TCF7: variants seen among roughly 807,000 people sequenced by gnomAD.
The protein encoded by TCF7 is T-cell-factor-7.
TCF7 carries 19 observed loss-of-function variants against 46.8 expected under a neutral mutation model. The observed-to-expected ratio is 0.41, with a 90% confidence interval of 0.28 to 0.60. The LOEUF is 0.60. Ranked by LOEUF, TCF7 falls within the 20% of genes least tolerant of loss-of-function variation. The pLI, the probability that TCF7 is intolerant of heterozygous loss-of-function variation, is 0.35. For synonymous variants in TCF7, 245 were observed against 213.4 expected (o/e 1.15, Z -1.29); for missense variants, 547 against 504.6 (o/e 1.08, Z -0.81).
At chr5:134,145,776 G>C in intron 9 of TCF7, 1 of 1,613,778 alleles carries the variant, frequency 6.2e-7, no homozygotes, top group Non-Finnish European at 8.5e-7. Flanking sequence ...GGATGGTAAT[G>C]GACAAGAGTC....
At chr5:134,112,841 T>TC (rs1335483722), upstream of TCF7, among the ~76,000 whole-genome samples, 1 of 152,092 alleles carries the variant, frequency 6.6e-6, no homozygotes, top group African/African-American at 2.4e-5. Flanking sequence ...TTCTCCTTTC[T>TC]CCAAGGACTG....
chr5:134,124,546 ACTCTAGAGC>A (rs1757068224), intron 3 of TCF7, among the ~76,000 whole-genome samples: 1 of 151,766 alleles, frequency 6.6e-6, no homozygotes, highest in African/African-American at 2.4e-5. Context: ...CTAGCAGACT[ACTCTAGAGC>A]CGGAGCAAGC....
intron 3 of TCF7, among the ~76,000 whole-genome samples, chr5:134,122,542 C>T (rs547262986): frequency 1.3e-5 from 2 of 152,312 alleles, no homozygotes; most frequent in South Asian, 4.1e-4. Context: ...CCATCCCCAG[C>T]CCCTCCAAGG....
chr5:134,125,614 C>T (rs953697801), intron 3 of TCF7, among the ~76,000 whole-genome samples: 18 of 152,224 alleles, frequency 1.2e-4, no homozygotes, highest in African/African-American at 4.3e-4. Context: ...CTTCCCCAGG[C>T]TTGTCATGCC....
At chr5:134,111,752 A>G (rs2432265), upstream of TCF7, among the ~76,000 whole-genome samples, 118,806 of 152,110 alleles carry the variant, frequency 0.78, 47,079 homozygotes, top group Non-Finnish European at 0.86. Flanking sequence ...CCACAAGGCA[A>G]ATAAGGACTC....
chr5:134,127,521 C>T (rs909815778), intron 3 of TCF7, among the ~76,000 whole-genome samples: 2 of 152,236 alleles, frequency 1.3e-5, no homozygotes, highest in African/African-American at 4.8e-5. Context: ...AGGCACCCTC[C>T]TCTGTGTGAT....
chr5:134,115,150 G>A lies in TCF7; in HGVS notation c.244G>A (p.Ala82Thr). Residue 82 changes from alanine (A) to threonine (T), a missense_variant, in exon 1 of 10, where the codon GCC (alanine) becomes ACC (threonine). Ala to Thr is a moderately conservative substitution (Grantham distance 58). Coordinates refer to ENST00000342854, the MANE Select transcript of TCF7 (RefSeq NM_003202.5). Reference sequence around the variant, plus strand: ...GGCCGGCGCCGGGGCCCGCGGCGAGGCCGAGGTGAGCCCCCGCCGGCGCCG... The same window carrying A: ...GGCCGGCGCCGGGGCCCGCGGCGAGACCGAGGTGAGCCCCCGCCGGCGCCG... ...PGAGAGARGE[A>T]EALGREHAAQ... 2.0e-6 allele frequency: 2 copies of A among 1,017,030 alleles called. No individual in the cohort carries two copies. The highest frequency in any genetic ancestry group is 6.0e-5 in the Admixed American group (1 of 16,780). 63.0% of individuals were successfully genotyped at this position (1,017,030 alleles called of 1,614,324 possible). A position where few individuals can be genotyped will look rare whatever the true frequency, so the allele number is the denominator to read the frequency against.
At chr5:134,116,517 G>GA (rs1755862558) in intron 3 of TCF7, among the ~76,000 whole-genome samples, 4 of 152,254 alleles carry the variant, frequency 2.6e-5, no homozygotes, top group Non-Finnish European at 5.9e-5. Context: ...TCGGTCGGCT[G>GA]TGTCCTGACG....
rs770887816 is a variant in TCF7, at chr5:134,138,098, T to A, written c.481T>A (p.Ser161Thr). 1.9e-6 allele frequency: 3 copies of A among 1,610,638 alleles called. No individual in the cohort carries two copies. Among genetic ancestry groups the A allele is most frequent in the Non-Finnish European group, 2.5e-6 (3 of 1,178,578 alleles). ...NQPPHGVPQL[S>T]LYEHFNSPHP... ...GCCCCCCCACGGTGTCCCCCAACTC[T>A]CTCTCTACGAACATTTCAACAGCCC... Residue 161 changes from serine (S) to threonine (T), a missense_variant, in exon 4 of 10, where the codon TCT (serine) becomes ACT (threonine). Physicochemically the swap from Ser to Thr is moderately conservative, Grantham distance 58 (BLOSUM62 1). Around this residue, in one of 3 missense-constraint regions of TCF7, gnomAD observed 425 missense variants for 349.9 expected, o/e 1.21. Coordinates refer to ENST00000342854, the MANE Select transcript of TCF7 (RefSeq NM_003202.5).
chr5:134,139,198 G>A (rs1759358842), intron 5 of TCF7, 160 bp downstream of exon 5: 2 of 1,145,210 alleles, frequency 1.7e-6, no homozygotes, highest in South Asian at 3.2e-5. Context: ...ACCTGGCTCT[G>A]AGCTAGGGGT....
At chr5:134,142,028 G>GT in intron 5 of TCF7, 157 bp from the exon 6 acceptor site, 2 of 1,009,976 alleles carry the variant, frequency 2.0e-6, no homozygotes, top group East Asian at 5.0e-5. Flanking sequence ...GCAGGTATTT[G>GT]TATTTATCTC....
chr5:134,139,052 C>T lies in TCF7; in HGVS notation c.635+14C>T. The stretch of plus-strand genomic sequence containing the variant: ...CACTGTGAGCTGGTGAGTGTGGGCC[C>T]AATGGGAAAGGGGTACCGTGTGCTG... On this transcript the variant is annotated intron_variant, in intron 5 of 9. Transcript: ENST00000342854. The T allele has an allele frequency of 6.2e-7, 1 of 1,613,274 alleles. No individual in the cohort carries two copies. The highest frequency in any genetic ancestry group is 8.5e-7 in the Non-Finnish European group (1 of 1,179,872).
At chr5:134,140,820 G>C in intron 5 of TCF7, 1 of 455,406 alleles carries the variant, frequency 2.2e-6, no homozygotes, top group Non-Finnish European at 4.4e-6. Flanking sequence ...TCTACCCCCT[G>C]TCCCCTTCCT....
At chr5:134,129,406 G>A (rs1321730209) in intron 3 of TCF7, among the ~76,000 whole-genome samples, 1 of 152,208 alleles carries the variant, frequency 6.6e-6, no homozygotes, top group Admixed American at 6.5e-5. Flanking sequence ...ATGAGGTTGT[G>A]CCTTGCCTCG....
At chr5:134,120,000 C>T (rs898090092) in intron 3 of TCF7, among the ~76,000 whole-genome samples, 2 of 152,174 alleles carry the variant, frequency 1.3e-5, no homozygotes, top group African/African-American at 2.4e-5. Context: ...CCAGCTGAGC[C>T]GAGGAGACAG....
rs746597918 is a variant in TCF7, at chr5:134,143,549, T to C, written c.1027-43T>C. On this transcript the variant is annotated intron_variant, in intron 8 of 9. Transcript: ENST00000342854. ...GCAGCAGGCTGTGGGTATCCCAATG[T>C]CTGCCTCCCAGATCTGAGCATCCCT... 18 of 1,613,530 alleles carry C rather than the reference T, an allele frequency of 1.1e-5. 1 individual carries two copies. In the South Asian group the frequency reaches 1.9e-4, roughly 17 times the overall value.
At chr5:134,120,568 G>A (rs1166687567) in intron 3 of TCF7, among the ~76,000 whole-genome samples, 2 of 152,064 alleles carry the variant, frequency 1.3e-5, no homozygotes, top group African/African-American at 4.8e-5. Context: ...TCCACCCCAG[G>A]ACTCTTGCAC....
At chr5:134,142,086 C>G in intron 5 of TCF7, 99 bp from the exon 6 acceptor site, 2 of 1,540,908 alleles carry the variant, frequency 1.3e-6, no homozygotes, top group Non-Finnish European at 8.9e-7. Context: ...ATCTGTTCAC[C>G]TGTGTCCTCA....
chr5:134,136,855 A>G (rs1758936123), intron 3 of TCF7, among the ~76,000 whole-genome samples: 1 of 152,192 alleles, frequency 6.6e-6, no homozygotes, highest in African/African-American at 2.4e-5. Context: ...GACTTGCTCC[A>G]AAGATGTCCC....
Sources: gnomAD v4.1 joint callset for allele counts (sites outside exome capture counted in the v4.1 genomes callset) on GRCh38, gnomAD v4.1.1 for gene constraint, gnomAD v4.1.1 regional missense constraint, MANE v1.5 for transcripts, NCBI Gene and HGNC (gene_info 2026-07-23, HGNC 2026-07-21) for gene names.